Variants in EFCAB6 observed in about 807,000 individuals in gnomAD.
The protein encoded by EFCAB6 is EF-hand calcium-binding domain-containing protein 6.
A neutral mutation model predicts 169.8 loss-of-function variants in EFCAB6; 156 were observed. That is an observed-to-expected ratio of 0.92 (90% CI 0.81 to 1.05). The LOEUF (loss-of-function observed/expected upper bound fraction) is 1.05, where lower values mean the gene tolerates loss of function less well. Among genes scored for constraint, EFCAB6 ranks in the 50% least tolerant of loss-of-function variants. The pLI, the probability that EFCAB6 is intolerant of heterozygous loss-of-function variation, is 0.00. For synonymous variants in EFCAB6, 698 were observed against 676.4 expected (o/e 1.03, Z -0.50); for missense variants, 1,800 against 1,829.1 (o/e 0.98, Z 0.29).
intron 2 of EFCAB6, 68 bp downstream of exon 2, chr22:43,808,927 G>A (rs2063014126): frequency 6.6e-6 from 1 of 152,212 alleles, no homozygotes; most frequent in Non-Finnish European, 1.5e-5. Flanking sequence ...AACCCAGGAT[G>A]CAGGATAACA....
At chr22:43,579,773 T>A (rs1200181176) in intron 25 of EFCAB6, among the ~76,000 whole-genome samples, 2 of 151,478 alleles carry the variant, frequency 1.3e-5, no homozygotes, top group Non-Finnish European at 2.9e-5. Flanking sequence ...CACGCAGGCA[T>A]CATTCCCTAC....
chr22:43,751,347 T>C (rs913151077), intron 6 of EFCAB6, among the ~76,000 whole-genome samples: 1 of 152,254 alleles, frequency 6.6e-6, no homozygotes, highest in Non-Finnish European at 1.5e-5. Context: ...ATTTTCTTCC[T>C]GTCTTAGCCA....
Position 43,729,818 on chromosome 22 carries a change from T to G in EFCAB6, c.757+1881A>C, listed in dbSNP as rs528121526. On this transcript the variant is annotated intron_variant, in intron 8 of 31. Transcript: ENST00000262726. The stretch of plus-strand genomic sequence containing the variant: ...GAAACAGCAAAGAATAGGATAGACC[T>G]TGGTGAAAATCAAATTACAGGTATA... 5.3e-5 allele frequency among the ~76,000 whole-genome samples: 8 copies of G among 152,238 alleles called. No individual in the cohort carries two copies. In the South Asian group the frequency reaches 1.7e-3, roughly 32 times the overall value.
chr22:43,716,751 A>T, intron 9 of EFCAB6, 97 bp downstream of exon 9: 1 of 1,442,344 alleles, frequency 6.9e-7, no homozygotes, highest in Non-Finnish European at 9.1e-7. Context: ...GGATCGAAAC[A>T]AATTTTAGAA....
At position 43,761,886 on chromosome 22, in the gene EFCAB6, G is replaced by A. The variant is rs192977013; in HGVS notation, c.440+3419C>T. Among the ~76,000 whole-genome samples the A allele has an allele frequency of 3.3e-5, 5 of 151,780 alleles. No individual in the cohort carries two copies. The East Asian group carries it at 7.8e-4, about 24-fold the overall frequency. On this transcript the variant is annotated intron_variant, in intron 5 of 31. Transcript: ENST00000262726. ...CATTCTTTGATAGTTCCAATATTTC[G>A]AGTGTTTGGAGACCCGATTCTATTG...
intron 17 of EFCAB6, among the ~76,000 whole-genome samples, chr22:43,662,604 G>A (rs181167544): frequency 6.6e-6 from 1 of 152,306 alleles, no homozygotes; most frequent in Admixed American, 6.5e-5. Context: ...CACACAAGAT[G>A]TAGGGGAAGA....
intron 30 of EFCAB6, 116 bp from the exon 31 acceptor site, chr22:43,531,080 C>A: frequency 7.4e-7 from 1 of 1,357,928 alleles, no homozygotes; most frequent in Non-Finnish European, 1.0e-6. Flanking sequence ...ACCTCCCAAC[C>A]TGCTCCGCTG....
At chr22:43,603,998 T>C (rs1317282368) in intron 22 of EFCAB6, among the ~76,000 whole-genome samples, 1 of 152,166 alleles carries the variant, frequency 6.6e-6, no homozygotes, top group Non-Finnish European at 1.5e-5. Context: ...TCTGAAGGTT[T>C]GAAAGTGTGT....
chr22:43,587,529 C>T (rs1393166505), intron 24 of EFCAB6, among the ~76,000 whole-genome samples: 3 of 152,116 alleles, frequency 2.0e-5, no homozygotes, highest in African/African-American at 7.2e-5. Context: ...GTTGGCAGTC[C>T]CTGGCTTGTG....
chr22:43,762,117 T>C (rs1376706188), intron 5 of EFCAB6, among the ~76,000 whole-genome samples: 2 of 152,234 alleles, frequency 1.3e-5, no homozygotes, highest in African/African-American at 2.4e-5. Context: ...TCAGACCACA[T>C]AGCATGAATT....
At position 43,626,435 on chromosome 22, in the gene EFCAB6, C is replaced by G; in HGVS notation, c.2465+12G>C. ...CATATATTAAAGACACAGACCCGTG[C>G]TGCCTTCTTACCTAATGAGTCTTTG... On this transcript the variant is annotated intron_variant, in intron 20 of 31. Transcript: ENST00000262726. 6.2e-7 allele frequency: 1 copy of G among 1,612,848 alleles called. No homozygotes were observed. Among genetic ancestry groups the G allele is most frequent in the Non-Finnish European group, 8.5e-7 (1 of 1,179,104 alleles).
rs1193509734 is a variant in EFCAB6 at position 43,537,008 on chromosome 22, A to G, written c.4048+369T>C. On this transcript the variant is annotated intron_variant, in intron 29 of 31. Coordinates refer to ENST00000262726, the MANE Select transcript of EFCAB6 (RefSeq NM_022785.4). This position sits in a 1 kb window ranked among gnomAD's most constrained non-coding sequence, Gnocchi z 4.3. ...CATCAAAGAGTGAATGTTGATGGGA[A>G]TGGAGCCCCAGGAGTGTCCCCTTCA... The G allele has an allele frequency of 1.1e-5, 2 of 177,146 alleles. No individual in the cohort carries two copies. Among genetic ancestry groups the G allele is most frequent in the East Asian group, 3.1e-4 (2 of 6,534 alleles). 11.0% of individuals were successfully genotyped at this position (177,146 alleles called of 1,614,324 possible).
intron 26 of EFCAB6, among the ~76,000 whole-genome samples, chr22:43,559,783 G>A (rs951453638): frequency 6.6e-6 from 1 of 151,968 alleles, no homozygotes; most frequent in Non-Finnish European, 1.5e-5. Context: ...GACACCACAT[G>A]TTCTCACTCA....
At chr22:43,808,719 T>C (rs567603477) in intron 2 of EFCAB6, among the ~76,000 whole-genome samples, 1 of 151,634 alleles carries the variant, frequency 6.6e-6, no homozygotes, top group Non-Finnish European at 1.5e-5. Flanking sequence ...AATATCAGAA[T>C]AAAATAACAG....
intron 8 of EFCAB6, among the ~76,000 whole-genome samples, chr22:43,729,935 G>C (rs112030138): frequency 0.012 from 1,844 of 152,090 alleles, 19 homozygotes; most frequent in African/African-American, 0.015. Flanking sequence ...GTATAGGCAG[G>C]AGGATCACTT....
chr22:43,637,953 T>C (rs1243080459), intron 17 of EFCAB6, among the ~76,000 whole-genome samples: 1 of 152,216 alleles, frequency 6.6e-6, no homozygotes, highest in East Asian at 1.9e-4. Context: ...CGTAAGGAAA[T>C]GTCTGCAGGC....
chr22:43,597,071 C>G (rs901935445), intron 23 of EFCAB6, among the ~76,000 whole-genome samples: 2 of 152,084 alleles, frequency 1.3e-5, no homozygotes, highest in African/African-American at 4.8e-5. Context: ...AAACTAGATC[C>G]CCATCTTTCA....
intron 21 of EFCAB6, among the ~76,000 whole-genome samples, chr22:43,614,956 T>C (rs1602621874): frequency 6.6e-6 from 1 of 152,120 alleles, no homozygotes; most frequent in East Asian, 1.9e-4. Flanking sequence ...GTCCACTCTA[T>C]GGAGTCCACA....
chr22:43,590,792 T>C (rs2051447390), intron 23 of EFCAB6, among the ~76,000 whole-genome samples: 1 of 150,090 alleles, frequency 6.7e-6, no homozygotes, highest in Non-Finnish European at 1.5e-5. Context: ...TAGGTTTACA[T>C]GCACTTTGGC....
Sources: gnomAD v4.1 joint callset for allele counts (sites outside exome capture counted in the v4.1 genomes callset) on GRCh38, gnomAD v4.1.1 for gene constraint, Gnocchi (gnomAD v3.1) non-coding constraint, MANE v1.5 for transcripts, NCBI Gene and HGNC (gene_info 2026-07-23, HGNC 2026-07-21) for gene names.